MIDEAS: variants seen among roughly 807,000 people sequenced by gnomAD.
The protein encoded by MIDEAS is mitotic deacetylase-associated SANT domain protein.
In MIDEAS, 26 loss-of-function variants were observed where a neutral mutation model predicts 102.7. That is an observed-to-expected ratio of 0.25 (90% CI 0.19 to 0.35). The LOEUF is 0.35. Ranked by LOEUF, MIDEAS falls within the 10% of genes least tolerant of loss-of-function variation. The probability of loss-of-function intolerance (pLI) is 1.00; values close to 1 mark genes in which losing one functional copy is unlikely to be tolerated. For missense variants in MIDEAS, 1,231 were observed against 1,435.6 expected (o/e 0.86, Z 2.30); for synonymous variants, 585 against 591.0 (o/e 0.99, Z 0.15).
Position 73,718,862 on chromosome 14 carries a change from C to G in MIDEAS, c.3281G>C (p.Gly1094Ala), listed in dbSNP as rs2052937193. 1 of 1,501,166 alleles carries G rather than the reference C, an allele frequency of 6.7e-7. No homozygotes were observed. The highest frequency in any genetic ancestry group is 1.4e-5 in the African/African-American group (1 of 70,954). The allele number at this position is 1,501,166 out of a possible 1,614,324, so 93.0% of individuals were successfully genotyped here. A position where few individuals can be genotyped will look rare whatever the true frequency, so the allele number is the denominator to read the frequency against. The change falls in exon 13 of 13, where the codon GGT (glycine) becomes GCT (alanine). Residue 1094 changes from glycine (G) to alanine (A), a missense_variant. Physicochemically the swap from Gly to Ala is moderately conservative, Grantham distance 60 (BLOSUM62 0). This residue lies in a region of MIDEAS where 71 missense variants were observed against 51.9 expected (regional missense o/e 1.37). Transcript: ENST00000423556. ...AHQQALREES[G>A]AGDKG Reference sequence around the variant, plus strand: ...CCGCGCTCAGCCCTTGTCGCCCGCACCGCTCTCCTCCCGCAGGGCCTGCTG... The same window carrying G: ...CCGCGCTCAGCCCTTGTCGCCCGCAGCGCTCTCCTCCCGCAGGGCCTGCTG...
intron 1 of MIDEAS, among the ~76,000 whole-genome samples, chr14:73,783,403 G>C (rs1352186896): frequency 6.6e-6 from 1 of 152,152 alleles, no homozygotes; most frequent in African/African-American, 2.4e-5. Context: ...GCCATCAGTG[G>C]TTTGGACAAA....
intron 3 of MIDEAS, chr14:73,730,261 T>C: frequency 1.7e-6 from 1 of 598,184 alleles, no homozygotes; most frequent in South Asian, 1.8e-5. Context: ...CTTTCCCTTT[T>C]TCTTTTTAAA....
At chr14:73,764,339 CAAAAA>C (rs5809629), upstream of MIDEAS, among the ~76,000 whole-genome samples, 1 of 88,258 alleles carries the variant, frequency 1.1e-5, no homozygotes. Context: ...GACCCTGTCT[CAAAAA>C]AAAAAAAAAA....
intron 1 of MIDEAS, among the ~76,000 whole-genome samples, chr14:73,758,365 T>C (rs902990097): frequency 5.9e-5 from 9 of 152,090 alleles, no homozygotes; most frequent in African/African-American, 2.2e-4. Flanking sequence ...AGACAGGTGG[T>C]TTCTCCCCTC....
chr14:73,756,272 G>GTA (rs1188508945), intron 1 of MIDEAS, among the ~76,000 whole-genome samples: 1 of 79,376 alleles, frequency 1.3e-5, no homozygotes, highest in Non-Finnish European at 2.4e-5. Context: ...ATGTCAGTGT[G>GTA]TGTGTGTGTG....
intron 1 of MIDEAS, among the ~76,000 whole-genome samples, chr14:73,746,457 A>G (rs183708424): frequency 2.8e-4 from 43 of 152,308 alleles, no homozygotes; most frequent in Non-Finnish European, 5.0e-4. Flanking sequence ...GTAGGGTAGA[A>G]GCAGGCAGGT....
chr14:73,788,383 GA>G (rs2053838670), upstream of MIDEAS, among the ~76,000 whole-genome samples: 1 of 152,086 alleles, frequency 6.6e-6, no homozygotes, highest in African/African-American at 2.4e-5. Flanking sequence ...GAAAACACAG[GA>G]AACCATAAAC....
chr14:73,766,556 CT>C (rs898994629), intron 1 of MIDEAS, among the ~76,000 whole-genome samples: 108 of 146,496 alleles, frequency 7.4e-4, no homozygotes, highest in Non-Finnish European at 1.1e-3. Context: ...CTTTTCTTTT[CT>C]TTTTTTTTTT....
chr14:73,732,788 A>G (rs1399388895), intron 3 of MIDEAS, among the ~76,000 whole-genome samples: 2 of 127,556 alleles, frequency 1.6e-5, no homozygotes, highest in Non-Finnish European at 3.4e-5. Context: ...TCCCTCTCAA[A>G]AAAAAAAAAA....
In MIDEAS at chr14:73,751,553, A is replaced by G. The variant is rs542936336; in HGVS notation, c.-248+8210T>C. Among the ~76,000 whole-genome samples, 4 of 152,106 alleles carry G rather than the reference A, an allele frequency of 2.6e-5. No homozygotes were observed. In the East Asian group the frequency reaches 7.7e-4, roughly 29 times the overall value. On this transcript the variant is annotated intron_variant, in intron 1 of 12. Coordinates refer to ENST00000423556, the MANE Select transcript of MIDEAS (RefSeq NM_001367710.1). Reference sequence around the variant, plus strand: ...GCATCTTTGCCTAAGAGGAAGTCACACCCCTTCCACACCCTCCAACCCCAC... The same window carrying G: ...GCATCTTTGCCTAAGAGGAAGTCACGCCCCTTCCACACCCTCCAACCCCAC...
At chr14:73,726,190 C>A (rs1048766182) in intron 7 of MIDEAS, 82 bp from the exon 8 acceptor site, 1 of 1,143,996 alleles carries the variant, frequency 8.7e-7, no homozygotes, top group Admixed American at 2.0e-5. Context: ...TGATAAAATC[C>A]CGAGTAGGGT....
Position 73,752,655 on chromosome 14 carries a change from C to G in MIDEAS, c.-248+7108G>C, listed in dbSNP as rs538586610. ...AGAAGGGCTGCAAACTGGGCACAGA[C>G]AGACGCCCATTTGACTCCAGAGCCA... is the stretch of plus-strand genomic sequence containing the variant. On this transcript the variant is annotated intron_variant, in intron 1 of 12. Transcript: ENST00000423556. Among the ~76,000 whole-genome samples the G allele has an allele frequency of 1.6e-4, 25 of 152,320 alleles. No homozygotes were observed. In the South Asian group the frequency reaches 5.2e-3, roughly 32 times the overall value.
At chr14:73,749,592 A>T (rs901594754) in intron 1 of MIDEAS, among the ~76,000 whole-genome samples, 1 of 147,826 alleles carries the variant, frequency 6.8e-6, no homozygotes, top group Non-Finnish European at 1.5e-5. Context: ...TATATATATA[A>T]AATATATATA....
chr14:73,753,378 G>C (rs900342568), intron 1 of MIDEAS, among the ~76,000 whole-genome samples: 1 of 152,224 alleles, frequency 6.6e-6, no homozygotes, highest in African/African-American at 2.4e-5. Flanking sequence ...ATAGCCGGAG[G>C]AAGTGTGGGA....
intron 1 of MIDEAS, among the ~76,000 whole-genome samples, chr14:73,754,124 T>C (rs2053453815): frequency 6.6e-6 from 1 of 152,182 alleles, no homozygotes; most frequent in Non-Finnish European, 1.5e-5. Context: ...CCTGGTTATT[T>C]TTGGCGCCTC....
At chr14:73,735,599 T>C (rs2053190416) in intron 3 of MIDEAS, among the ~76,000 whole-genome samples, 1 of 152,190 alleles carries the variant, frequency 6.6e-6, no homozygotes, top group South Asian at 2.1e-4. Flanking sequence ...ACTTGAAAGA[T>C]ACACCTTAAG....
intron 1 of MIDEAS, among the ~76,000 whole-genome samples, chr14:73,783,247 C>G (rs527942953): frequency 6.6e-6 from 1 of 152,128 alleles, no homozygotes; most frequent in Admixed American, 6.5e-5. Flanking sequence ...GCTGGAGTCC[C>G]GGGGGAGGCC....
intron 1 of MIDEAS, among the ~76,000 whole-genome samples, chr14:73,766,761 A>G (rs563246047): frequency 1.4e-3 from 218 of 151,772 alleles, no homozygotes; most frequent in African/African-American, 5.0e-3. Flanking sequence ...CGTGTTAGCC[A>G]GGATGGTCGT....
At chr14:73,727,399 C>T in intron 5 of MIDEAS, 59 bp downstream of exon 5, 1 of 1,566,704 alleles carries the variant, frequency 6.4e-7, no homozygotes, top group East Asian at 2.2e-5. Context: ...GGCCCACCTG[C>T]ACACACTGCA....
Sources: gnomAD v4.1 joint callset for allele counts (sites outside exome capture counted in the v4.1 genomes callset) on GRCh38, gnomAD v4.1.1 for gene constraint, gnomAD v4.1.1 regional missense constraint, MANE v1.5 for transcripts, NCBI Gene and HGNC (gene_info 2026-07-23, HGNC 2026-07-21) for gene names.